CACNA2D1: variants seen among roughly 807,000 people sequenced by gnomAD.
The protein encoded by CACNA2D1 is calcium voltage-gated channel auxiliary subunit alpha2delta 1.
A neutral mutation model predicts 171.5 loss-of-function variants in CACNA2D1; 53 were observed. The observed-to-expected ratio is 0.31, with a 90% CI of 0.25 to 0.39. CACNA2D1 has a LOEUF of 0.39. Among genes scored for constraint, CACNA2D1 ranks in the 10% least tolerant of loss-of-function variants. The pLI, the probability that CACNA2D1 is intolerant of heterozygous loss-of-function variation, is 1.00. For synonymous variants in CACNA2D1, 442 were observed against 443.1 expected (o/e 1.00, Z 0.03); for missense variants, 903 against 1,299.8 (o/e 0.69, Z 4.69).
intron 4 of CACNA2D1, among the ~76,000 whole-genome samples, chr7:82,158,244 T>C (rs7778812): frequency 0.017 from 2,621 of 152,060 alleles, 86 homozygotes; most frequent in African/African-American, 0.06. Flanking sequence ...ATACAATTTA[T>C]CAAAATGGAT....
At chr7:82,389,165 T>TATACAC (rs1554537406) in intron 1 of CACNA2D1, among the ~76,000 whole-genome samples, 2 of 146,496 alleles carry the variant, frequency 1.4e-5, no homozygotes, top group African/African-American at 5.0e-5. Context: ...TATATATATA[T>TATACAC]ACACACACAC....
At chr7:82,205,211 A>C (rs2129213006) in intron 3 of CACNA2D1, among the ~76,000 whole-genome samples, 1 of 152,284 alleles carries the variant, frequency 6.6e-6, no homozygotes, top group East Asian at 1.9e-4. Flanking sequence ...GGAATCTGAT[A>C]TTTGGTGTGA....
chr7:82,167,912 C>A (rs577817223), intron 4 of CACNA2D1, among the ~76,000 whole-genome samples: 5 of 152,184 alleles, frequency 3.3e-5, no homozygotes, highest in Non-Finnish European at 7.4e-5. Flanking sequence ...ACTTACTGGG[C>A]AAATAATTCA....
chr7:82,305,453 T>G (rs1410232541), intron 3 of CACNA2D1, among the ~76,000 whole-genome samples: 1 of 152,156 alleles, frequency 6.6e-6, no homozygotes, highest in Non-Finnish European at 1.5e-5. Context: ...ACAATCAAGA[T>G]TGTTCTGGGG....
chr7:82,377,836 A>C (rs1371496800), intron 1 of CACNA2D1, among the ~76,000 whole-genome samples: 3 of 152,172 alleles, frequency 2.0e-5, no homozygotes, highest in Admixed American at 2.0e-4. Flanking sequence ...TTAAAAACAA[A>C]ACAAATTCCT....
rs532782453 is a variant in CACNA2D1, at chr7:82,315,965, G to GT, written c.294+19169dup. Among the ~76,000 whole-genome samples, 1,329 of 147,738 alleles carry GT rather than the reference G, an allele frequency of 9.0e-3. 10 individuals are homozygous for GT. The highest frequency in any genetic ancestry group is 0.044 in the South Asian group (205 of 4,668). On this transcript the variant is annotated intron_variant, in intron 3 of 38. Transcript: ENST00000356860. The stretch of plus-strand genomic sequence containing the variant: ...ATTCCTTAGATCAATGTCACCAGGT[G>GT]TTTTTTTTTTAAATATTATTTGCTT...
At chr7:82,192,800 A>AACACAC (rs148920133) in intron 3 of CACNA2D1, among the ~76,000 whole-genome samples, 210 of 147,634 alleles carry the variant, frequency 1.4e-3, no homozygotes, top group East Asian at 7.8e-3. Context: ...ACTCTAACTA[A>AACACAC]ACACACACAC....
At chr7:82,413,361 TGCATTTTCAG>T (rs1325209044) in intron 1 of CACNA2D1, among the ~76,000 whole-genome samples, 1 of 152,240 alleles carries the variant, frequency 6.6e-6, no homozygotes, top group African/African-American at 2.4e-5. Context: ...TTGTTGTGTC[TGCATTTTCAG>T]GCCAGGGCTG....
intron 1 of CACNA2D1, among the ~76,000 whole-genome samples, chr7:82,406,118 C>T (rs996939925): frequency 6.6e-6 from 1 of 152,072 alleles, no homozygotes; most frequent in Admixed American, 6.6e-5. Context: ...CAACTCCCAC[C>T]TATGAGTGAG....
At chr7:82,146,456 A>ACATATT (rs1793100906) in intron 4 of CACNA2D1, among the ~76,000 whole-genome samples, 1 of 145,560 alleles carries the variant, frequency 6.9e-6, no homozygotes, top group Non-Finnish European at 1.5e-5. Context: ...ATATAAAGAT[A>ACATATT]TATATAAATA....
intron 10 of CACNA2D1, among the ~76,000 whole-genome samples, chr7:82,056,546 T>A (rs1051064984): frequency 2.6e-5 from 4 of 151,964 alleles, no homozygotes; most frequent in African/African-American, 4.8e-5. Flanking sequence ...AGGAGCTTGA[T>A]AGTAGAGAGA....
intron 3 of CACNA2D1, among the ~76,000 whole-genome samples, chr7:82,248,997 G>A (rs769303628): frequency 3.9e-4 from 59 of 151,874 alleles, no homozygotes; most frequent in Non-Finnish European, 7.1e-4. Context: ...GGCATCTGTA[G>A]TCCCAGCTAC....
chr7:82,361,510 T>C lies in CACNA2D1; in HGVS notation c.96-11861A>G, dbSNP rs367672667. On this transcript the variant is annotated intron_variant, in intron 1 of 38. Coordinates refer to ENST00000356860, the MANE Select transcript of CACNA2D1 (RefSeq NM_000722.4). ...TCAACTATTTTTTAATTTGAATTGT[T>C]AAATGTTTCAAATTATGAAACATTT... 3.9e-4 allele frequency among the ~76,000 whole-genome samples: 59 copies of C among 152,320 alleles called. 1 individual carries two copies. The South Asian group carries it at 0.012, about 30-fold the overall frequency.
At chr7:82,029,797 C>A (rs75179877) in intron 12 of CACNA2D1, 37 of 151,712 alleles carry the variant, frequency 2.4e-4, no homozygotes, top group Admixed American at 1.6e-3. Flanking sequence ...TTTGTTATAG[C>A]CTCTGAAGTT....
chr7:82,066,732 G>A (rs1281549594), intron 7 of CACNA2D1, among the ~76,000 whole-genome samples: 2 of 152,000 alleles, frequency 1.3e-5, no homozygotes, highest in Non-Finnish European at 2.9e-5. Context: ...AATGATAGTC[G>A]ATTCTCTTTT....
Position 82,335,012 on chromosome 7 carries a change from A to G in CACNA2D1, c.294+123T>C, listed in dbSNP as rs960447454. 4.2e-6 allele frequency: 3 copies of G among 712,864 alleles called. No individual in the cohort carries two copies. The African/African-American group carries it at 5.3e-5, about 13-fold the overall frequency. 44.2% of individuals were successfully genotyped at this position (712,864 alleles called of 1,614,324 possible). On this transcript the variant is annotated intron_variant, in intron 3 of 38. Transcript: ENST00000356860. ...CCATGATATCTCATTTTTTATGAAC[A>G]TATCAGATGAACACAGTTACTAAGA...
At chr7:82,040,462 A>AAAC (rs1232776346) in intron 10 of CACNA2D1, among the ~76,000 whole-genome samples, 1 of 146,968 alleles carries the variant, frequency 6.8e-6, no homozygotes, top group African/African-American at 2.5e-5. Context: ...CAAAAAAAAA[A>AAAC]AAAAAAAAAC....
rs542381606 is a variant in CACNA2D1 at position 82,375,128 on chromosome 7, A to C, written c.96-25479T>G. ...CCTGGAGTCAGAGAGATAGAAGAAA[A>C]AATGAGCAGAAACAATACAGAAACA... On this transcript the variant is annotated intron_variant, in intron 1 of 38. Transcript: ENST00000356860. 5.9e-5 allele frequency among the ~76,000 whole-genome samples: 9 copies of C among 152,278 alleles called. No individual in the cohort carries two copies. The South Asian group carries it at 1.9e-3, about 32-fold the overall frequency.
intron 3 of CACNA2D1, among the ~76,000 whole-genome samples, chr7:82,305,294 G>A (rs1474038366): frequency 2.0e-5 from 3 of 151,952 alleles, no homozygotes; most frequent in Admixed American, 1.3e-4. Context: ...GATAATAAAG[G>A]GAACCAAAAA....
Sources: gnomAD v4.1 joint callset for allele counts (sites outside exome capture counted in the v4.1 genomes callset) on GRCh38, gnomAD v4.1.1 for gene constraint, MANE v1.5 for transcripts, NCBI Gene and HGNC (gene_info 2026-07-23, HGNC 2026-07-21) for gene names.